ZNF407: variants seen among roughly 807,000 people sequenced by gnomAD.
ZNF407 encodes zinc finger protein 407.
In ZNF407, 17 loss-of-function variants were observed where a neutral mutation model predicts 131.2. The observed-to-expected ratio is 0.13, with a 90% CI of 0.09 to 0.19. The LOEUF is 0.19. Among genes scored for constraint, ZNF407 ranks in the 10% least tolerant of loss-of-function variants. The probability of loss-of-function intolerance (pLI) is 1.00; values close to 1 mark genes in which losing one functional copy is unlikely to be tolerated. For synonymous variants in ZNF407, 1,156 were observed against 1,062.0 expected (o/e 1.09, Z -1.72); for missense variants, 2,681 against 2,830.6 (o/e 0.95, Z 1.20).
At position 74,630,407 on chromosome 18, in the gene ZNF407, G is replaced by A. The variant is rs572955465; in HGVS notation, c.-53-560G>A. Among the ~76,000 whole-genome samples the A allele has an allele frequency of 3.9e-3, 587 of 152,120 alleles. 1 individual carries two copies. Among genetic ancestry groups the A allele is most frequent in the African/African-American group, 0.013 (553 of 41,512 alleles). On this transcript the variant is annotated intron_variant, in intron 1 of 8. Coordinates refer to ENST00000299687, the MANE Select transcript of ZNF407 (RefSeq NM_017757.3). ...AGGATGGTCTCGATCTCCTGACCTC[G>A]TGATCCGCCTGCCTCGGCCTCCCAA...
rs866232961 is a variant in ZNF407 at position 75,048,619 on chromosome 18, G to A, written c.5429-14531G>A. The stretch of plus-strand genomic sequence containing the variant: ...AACTCTCAGCTCGATGTGAAAACAA[G>A]AGATGCTTTCATGAGCCAATGACTG... On this transcript the variant is annotated intron_variant, in intron 8 of 8. Coordinates refer to ENST00000299687, the MANE Select transcript of ZNF407 (RefSeq NM_017757.3). This position sits in a 1 kb window ranked among gnomAD's most constrained non-coding sequence, Gnocchi z 4.1. Among the ~76,000 whole-genome samples the A allele has an allele frequency of 1.2e-4, 19 of 152,242 alleles. No individual in the cohort carries two copies. Among genetic ancestry groups the A allele is most frequent in the African/African-American group, 4.3e-4 (18 of 41,546 alleles).
rs772233343 is a variant in ZNF407, at chr18:74,634,163, C to T, written c.3144C>T (p.Cys1048=). ...ATACAAAAGAGTTTGAGTTTTATTG[C>T]ATGGCATGCGATTACTACGCGGTGA... ...RKHTKEFEFY[C]MACDYYAVTR... The change falls in exon 2 of 9, where the codon TGC becomes TGT. Residue 1048 remains cysteine, a synonymous_variant. Transcript: ENST00000299687. 3.1e-5 allele frequency: 50 copies of T among 1,613,910 alleles called. No individual in the cohort carries two copies. Among genetic ancestry groups the T allele is most frequent in the Non-Finnish European group, 4.2e-5 (49 of 1,179,906 alleles).
chr18:74,927,245 G>A (rs1971926400), intron 8 of ZNF407, among the ~76,000 whole-genome samples: 1 of 152,136 alleles, frequency 6.6e-6, no homozygotes, highest in Non-Finnish European at 1.5e-5. Flanking sequence ...ACTACAGTGT[G>A]GCTCTATAAA....
chr18:74,627,859 C>T (rs190039899), intron 1 of ZNF407, among the ~76,000 whole-genome samples: 1,976 of 145,998 alleles, frequency 0.014, 58 homozygotes, highest in African/African-American at 0.049. Flanking sequence ...CCGCCCCGCC[C>T]CGCCCCTTTT....
rs578039878 is a variant in ZNF407 at position 74,900,578 on chromosome 18, A to G, written c.5249+10540A>G. On this transcript the variant is annotated intron_variant, in intron 7 of 8. Coordinates refer to ENST00000299687, the MANE Select transcript of ZNF407 (RefSeq NM_017757.3). The stretch of plus-strand genomic sequence containing the variant: ...ATCATGTAACAAACACTTGCTTTCA[A>G]TATAGTCTTTTAAACTGCGACATCT... 1.2e-4 allele frequency among the ~76,000 whole-genome samples: 18 copies of G among 152,354 alleles called. No homozygotes were observed. The South Asian group carries it at 3.3e-3, about 28-fold the overall frequency.
At chr18:74,708,642 C>T (rs994972084) in intron 3 of ZNF407, among the ~76,000 whole-genome samples, 8 of 152,190 alleles carry the variant, frequency 5.3e-5, no homozygotes, top group Admixed American at 3.3e-4. Flanking sequence ...GGCTCCAGCC[C>T]TTTCTGGGGG....
chr18:74,711,733 T>C (rs1215334017), intron 3 of ZNF407, among the ~76,000 whole-genome samples: 1 of 152,200 alleles, frequency 6.6e-6, no homozygotes, highest in Non-Finnish European at 1.5e-5. Context: ...TTTTTTGAGA[T>C]GGAGTCTCTC....
At chr18:75,004,181 G>T (rs549577904) in intron 8 of ZNF407, among the ~76,000 whole-genome samples, 1 of 152,156 alleles carries the variant, frequency 6.6e-6, no homozygotes, top group Admixed American at 6.5e-5. Context: ...TCTCCGCGGT[G>T]CACGTCGTAG....
In ZNF407 at chr18:74,783,311, G is replaced by A. The variant is rs1055734413; in HGVS notation, c.4877+1809G>A. ...TTTGAATGAAAACAGTGGAGATTGT[G>A]TAGTAAGAAGAAAATATTTCCCAAC... On this transcript the variant is annotated intron_variant, in intron 4 of 8. Coordinates refer to ENST00000299687, the MANE Select transcript of ZNF407 (RefSeq NM_017757.3). 2.6e-5 allele frequency among the ~76,000 whole-genome samples: 4 copies of A among 152,230 alleles called. No individual in the cohort carries two copies. In the East Asian group the frequency reaches 7.7e-4, roughly 29 times the overall value.
intron 8 of ZNF407, among the ~76,000 whole-genome samples, chr18:75,031,849 C>T (rs900895530): frequency 6.6e-6 from 1 of 152,114 alleles, no homozygotes; most frequent in Non-Finnish European, 1.5e-5. Flanking sequence ...TTTTTTGAGA[C>T]TTGGACCCAG....
chr18:74,902,861 A>G (rs904615372), intron 7 of ZNF407, among the ~76,000 whole-genome samples: 2 of 152,170 alleles, frequency 1.3e-5, no homozygotes, highest in African/African-American at 2.4e-5. Flanking sequence ...TAAATATTGG[A>G]CTGACAAGAG....
At chr18:74,726,536 A>T (rs1204179960) in intron 3 of ZNF407, among the ~76,000 whole-genome samples, 2 of 152,226 alleles carry the variant, frequency 1.3e-5, no homozygotes, top group Non-Finnish European at 2.9e-5. Flanking sequence ...AAATTTTGGA[A>T]TATGTATATA....
intron 3 of ZNF407, among the ~76,000 whole-genome samples, chr18:74,643,274 A>G (rs181116547): frequency 3.2e-4 from 48 of 152,266 alleles, no homozygotes; most frequent in Admixed American, 3.1e-3. Context: ...TGGACCTATT[A>G]GTTCCTGAAC....
chr18:74,895,064 C>G (rs1219221312), intron 7 of ZNF407, among the ~76,000 whole-genome samples: 1 of 152,068 alleles, frequency 6.6e-6, no homozygotes, highest in Non-Finnish European at 1.5e-5. Flanking sequence ...ATAGAATCTG[C>G]AGTCCCTGCC....
chr18:74,760,134 G>A (rs756038116), intron 3 of ZNF407, among the ~76,000 whole-genome samples: 14 of 152,124 alleles, frequency 9.2e-5, no homozygotes, highest in Non-Finnish European at 1.8e-4. Flanking sequence ...TGTAACGTCT[G>A]TATTCTTTGT....
chr18:75,037,626 C>T (rs1973324791), intron 8 of ZNF407, among the ~76,000 whole-genome samples: 1 of 152,042 alleles, frequency 6.6e-6, no homozygotes, highest in South Asian at 2.1e-4. Context: ...AACATTACAG[C>T]TCAAAGGTTA....
At chr18:74,849,650 C>T (rs2145144171) in intron 4 of ZNF407, among the ~76,000 whole-genome samples, 1 of 152,278 alleles carries the variant, frequency 6.6e-6, no homozygotes, top group African/African-American at 2.4e-5. Context: ...TTAGTGCATT[C>T]CTGCCTACAC....
intron 8 of ZNF407, among the ~76,000 whole-genome samples, chr18:74,935,622 G>C (rs1314098194): frequency 6.6e-6 from 1 of 152,154 alleles, no homozygotes; most frequent in Non-Finnish European, 1.5e-5. Context: ...CATGTAACTT[G>C]TAAACACGGA....
At chr18:74,629,704 G>C (rs1983961482) in intron 1 of ZNF407, among the ~76,000 whole-genome samples, 1 of 152,168 alleles carries the variant, frequency 6.6e-6, no homozygotes, top group African/African-American at 2.4e-5. Flanking sequence ...AGCTAAAATA[G>C]TTTAAAATAG....
Sources: allele counts gnomAD v4.1 joint callset (sites outside exome capture counted in the v4.1 genomes callset), GRCh38; gene constraint gnomAD v4.1.1; non-coding constraint Gnocchi (gnomAD v3.1); transcripts MANE v1.5; gene names NCBI Gene and HGNC (gene_info 2026-07-23, HGNC 2026-07-21).